BRSK1: variants seen among roughly 807,000 people sequenced by gnomAD.
BRSK1 encodes the protein serine/threonine-protein kinase BRSK1.
A neutral mutation model predicts 86.2 loss-of-function variants in BRSK1; 17 were observed. The ratio of observed to expected loss-of-function variants is 0.20; its 90% CI spans 0.14 to 0.30. The LOEUF (loss-of-function observed/expected upper bound fraction) is 0.30, where lower values mean the gene tolerates loss of function less well. BRSK1 is among the 10% of genes least tolerant of loss of function. The pLI is 1.00. For missense variants in BRSK1, 719 were observed against 1,071.9 expected, an observed-to-expected ratio of 0.67 and a Z score of 4.60; for synonymous variants, 464 against 440.1, an observed-to-expected ratio of 1.05 and a Z score of -0.68.
intron 7 of BRSK1, among the ~76,000 whole-genome samples, chr19:55,296,354 A>T (rs930031308): frequency 1.3e-5 from 2 of 152,122 alleles, no homozygotes; most frequent in Non-Finnish European, 2.9e-5. Context: ...TGCCTTTGCA[A>T]ACCTAAAGTT....
intron 1 of BRSK1, 39 bp downstream of exon 1, chr19:55,284,617 G>C (rs946361341): frequency 7.9e-7 from 1 of 1,262,992 alleles, no homozygotes; most frequent in African/African-American, 1.6e-5. Context: ...GCGGGGGGCA[G>C]GGTGGAGGTG....
chr19:55,311,899 C>G lies in BRSK1; in HGVS notation c.2180-12C>G. On this transcript the variant is annotated splice_polypyrimidine_tract_variant and intron_variant, in intron 18 of 18. Coordinates refer to ENST00000309383, the MANE Select transcript of BRSK1 (RefSeq NM_032430.2). ...CTGCGGAACCCACGAAAAACCTCTT[C>G]CTCCCTTGCAGACGAGAAGAACGGG... The G allele has an allele frequency of 6.2e-7, 1 of 1,610,934 alleles. No individual in the cohort carries two copies. Among genetic ancestry groups the G allele is most frequent in the East Asian group, 2.2e-5 (1 of 44,708 alleles).
chr19:55,304,615 C>G lies in BRSK1; in HGVS notation c.1412C>G (p.Pro471Arg), dbSNP rs772560710. The change falls in exon 14 of 19, where the codon CCG becomes CGG. Residue 471 changes from proline (P) to arginine (R), a missense_variant. Pro to Arg is a moderately radical substitution (Grantham distance 103). Transcript: ENST00000309383. The surrounding 1 kb of genome is among the most constrained non-coding windows in gnomAD (Gnocchi z 5.2). ...AGDEARGGGS[P>R]TSKTQTLPSR... ...GATGAGGCTCGAGGCGGGGGCTCCC[C>G]GACTTCCAAAACGCAGACGCTGCCT... 8.3e-6 allele frequency: 13 copies of G among 1,560,964 alleles called. No individual in the cohort carries two copies. The South Asian group carries it at 1.5e-4, about 18-fold the overall frequency.
In BRSK1 at chr19:55,304,541, T is replaced by C. The variant is rs1178119494; in HGVS notation, c.1348-10T>C. ...TCCACTCGCTTATCTCAGTCTCCTG[T>C]CCTCTGCAGAGTCCGGTCTTTTCCT... On this transcript the variant is annotated splice_polypyrimidine_tract_variant and intron_variant, in intron 13 of 18. Coordinates refer to ENST00000309383, the MANE Select transcript of BRSK1 (RefSeq NM_032430.2). The surrounding 1 kb of genome is among the most constrained non-coding windows in gnomAD (Gnocchi z 5.2). The C allele has an allele frequency of 2.6e-6, 4 of 1,564,462 alleles. No homozygotes were observed. Among genetic ancestry groups the C allele is most frequent in the Non-Finnish European group, 3.4e-6 (4 of 1,160,820 alleles).
rs111906889 is a variant in BRSK1 at position 55,312,219 on chromosome 19, G to A, written c.*151G>A. 2.0e-5 allele frequency: 9 copies of A among 440,978 alleles called. No homozygotes were observed. The highest frequency in any genetic ancestry group is 1.4e-4 in the African/African-American group (7 of 48,678). The allele number at this position is 440,978 out of a possible 1,614,324, so 27.3% of individuals were successfully genotyped here. A position where few individuals can be genotyped will look rare whatever the true frequency, so the allele number is the denominator to read the frequency against. On this transcript the variant is annotated 3_prime_UTR_variant, in exon 19 of 19. Coordinates refer to ENST00000309383, the MANE Select transcript of BRSK1 (RefSeq NM_032430.2). ...CTGCAGGGATGGGGCTCCACAGGCC[G>A]TGCCCAACTGGGGGTGGTTCTAGGG...
At chr19:55,286,970 C>T (rs765572495) in intron 1 of BRSK1, 37 bp from the exon 2 acceptor site, 67 of 1,604,666 alleles carry the variant, frequency 4.2e-5, no homozygotes, top group Non-Finnish European at 5.6e-5. Context: ...GAAGGGGACC[C>T]GGCGGAACAC....
chr19:55,296,772 C>T (rs1324112707), intron 7 of BRSK1, among the ~76,000 whole-genome samples: 5 of 152,036 alleles, frequency 3.3e-5, no homozygotes, highest in East Asian at 2.0e-4. Flanking sequence ...GGTGTGAACC[C>T]GGGAGGCGGA....
At chr19:55,307,745 T>TAC (rs2088677355) in intron 17 of BRSK1, among the ~76,000 whole-genome samples, 1 of 52,648 alleles carries the variant, frequency 1.9e-5, no homozygotes, top group East Asian at 4.4e-4. Context: ...CAAAAAAATT[T>TAC]ATACACACAC....
At chr19:55,291,049 AG>A (rs1239620708) in intron 4 of BRSK1, among the ~76,000 whole-genome samples, 2 of 152,190 alleles carry the variant, frequency 1.3e-5, no homozygotes, top group Non-Finnish European at 2.9e-5. Flanking sequence ...TCTTGCATTT[AG>A]GTCTGGCATC....
intron 1 of BRSK1, among the ~76,000 whole-genome samples, chr19:55,285,467 G>T (rs2122922772): frequency 6.6e-6 from 1 of 152,246 alleles, no homozygotes; most frequent in East Asian, 1.9e-4. Context: ...CCGGGGTGCA[G>T]TGCATCCATC....
Position 55,311,537 on chromosome 19 carries a change from G to A in BRSK1, c.2180-374G>A, listed in dbSNP as rs529839766. Among the ~76,000 whole-genome samples the A allele has an allele frequency of 5.2e-4, 79 of 152,272 alleles. 1 individual carries two copies. The highest frequency in any genetic ancestry group is 2.7e-3 in the South Asian group (13 of 4,824). On this transcript the variant is annotated intron_variant, in intron 18 of 18. Coordinates refer to ENST00000309383, the MANE Select transcript of BRSK1 (RefSeq NM_032430.2). ...AACCAGGGTAGGAGAGAGTCGGGGG[G>A]CCCCTCTTGCTGTGAACGTTGAGCA...
At chr19:55,311,074 G>A (rs1029272199) in intron 18 of BRSK1, among the ~76,000 whole-genome samples, 2 of 152,050 alleles carry the variant, frequency 1.3e-5, no homozygotes, top group African/African-American at 2.4e-5. Flanking sequence ...TGATTCTCCC[G>A]CCTCAGCCTG....
At position 55,287,213 on chromosome 19, in the gene BRSK1, G is replaced by A; in HGVS notation, c.232-1G>A. On this transcript the variant is annotated splice_acceptor_variant, in intron 2 of 18. Coordinates refer to ENST00000309383, the MANE Select transcript of BRSK1 (RefSeq NM_032430.2). LOFTEE classifies it high-confidence loss of function. The surrounding 1 kb of genome is among the most constrained non-coding windows in gnomAD (Gnocchi z 5.3). ...GTGTCCCCACCCCTCTTGACCCTCA[G>A]GTGGAGCGGGAGATCGCCATCCTGA... 1 of 1,614,062 alleles carries A rather than the reference G, an allele frequency of 6.2e-7. No homozygotes were observed.
At chr19:55,300,318 G>A (rs1450608235) in intron 7 of BRSK1, among the ~76,000 whole-genome samples, 2 of 152,150 alleles carry the variant, frequency 1.3e-5, no homozygotes, top group Non-Finnish European at 1.5e-5. Context: ...GATGCAGTCC[G>A]TGAGGTGGGT....
intron 4 of BRSK1, among the ~76,000 whole-genome samples, chr19:55,293,777 T>A (rs1338860033): frequency 6.6e-6 from 1 of 152,152 alleles, no homozygotes; most frequent in Non-Finnish European, 1.5e-5. Context: ...GCCACTGCAC[T>A]CCAGCCTGGG....
intron 1 of BRSK1, among the ~76,000 whole-genome samples, chr19:55,286,339 T>C (rs2088316183): frequency 6.6e-6 from 1 of 151,714 alleles, no homozygotes; most frequent in Non-Finnish European, 1.5e-5. Flanking sequence ...GCTCAGGTCC[T>C]GGAGTCGAGG....
chr19:55,303,762 G>A lies in BRSK1; in HGVS notation c.1222G>A (p.Ala408Thr). Residue 408 changes from alanine (A) to threonine (T), a missense_variant, in exon 12 of 19, where the codon GCC (alanine) becomes ACC (threonine). Transcript: ENST00000309383. This position sits in a 1 kb window ranked among gnomAD's most constrained non-coding sequence, Gnocchi z 5.1. ...CATGGAAGTCCTGAGCATCACCGAT[G>A]CCGGGGGTGGTGGCTCCCCTGTACC... The part of the protein sequence containing the change: ...KSMEVLSITD[A>T]GGGGSPVPTR... 6.2e-7 allele frequency: 1 copy of A among 1,613,208 alleles called. No individual in the cohort carries two copies. The highest frequency in any genetic ancestry group is 8.5e-7 in the Non-Finnish European group (1 of 1,179,502).
chr19:55,284,187 TG>T lies in BRSK1; in HGVS notation c.-252del. On this transcript the variant is annotated 5_prime_UTR_variant, in exon 1 of 19. It removes the in-frame stop codon of an upstream open reading frame in the 5' UTR. Transcript: ENST00000309383. Reference sequence around the variant, plus strand: ...AGCGGGGGGCCGGCCAGAAACGGGCTGGGGAGGGGGGGCCCCGCAGCCCCCC... The same window carrying T: ...AGCGGGGGGCCGGCCAGAAACGGGCTGGGAGGGGGGGCCCCGCAGCCCCCC... 2 of 344,108 alleles carry T rather than the reference TG, an allele frequency of 5.8e-6. No individual in the cohort carries two copies. The highest frequency in any genetic ancestry group is 3.0e-5 in the African/African-American group (1 of 32,846). 21.3% of individuals were successfully genotyped at this position (344,108 alleles called of 1,614,324 possible). A position where few individuals can be genotyped will look rare whatever the true frequency, so the allele number is the denominator to read the frequency against.
intron 16 of BRSK1, among the ~76,000 whole-genome samples, chr19:55,305,951 G>C: frequency 6.6e-6 from 1 of 152,182 alleles, no homozygotes; most frequent in East Asian, 1.9e-4. Flanking sequence ...GACAGATATG[G>C]CTATGGGAAG....
Sources: gnomAD v4.1 joint callset for allele counts (sites outside exome capture counted in the v4.1 genomes callset) on GRCh38, gnomAD v4.1.1 for gene constraint, Gnocchi (gnomAD v3.1) non-coding constraint, MANE v1.5 for transcripts, NCBI Gene and HGNC (gene_info 2026-07-23, HGNC 2026-07-21) for gene names.